The following C3orf20 variants were observed in gnomAD, a reference collection of about 807,000 sequenced individuals.
C3orf20 encodes family with sequence similarity 149 member C.
C3orf20 carries 76 observed loss-of-function variants against 88.3 expected under a neutral mutation model. That is an observed-to-expected ratio of 0.86 (90% confidence interval 0.72 to 1.04). C3orf20 has a LOEUF of 1.04. Among genes scored for constraint, C3orf20 ranks in the 50% least tolerant of loss-of-function variants. C3orf20 has a pLI of 0.00. For missense variants in C3orf20, 1,056 were observed against 1,123.3 expected (o/e 0.94, Z 0.86); for synonymous variants, 436 against 437.4 (o/e 1.00, Z 0.04).
chr3:14,689,137 A>G (rs989504021), intron 4 of C3orf20, among the ~76,000 whole-genome samples: 4 of 152,154 alleles, frequency 2.6e-5, no homozygotes, highest in African/African-American at 9.7e-5. Flanking sequence ...GATTCTCTCT[A>G]CACCAGCAGG....
rs2033851413 is a variant in C3orf20 at position 14,714,072 on chromosome 3, G to A, written c.1226G>A (p.Cys409Tyr). Reference protein sequence around the residue: ...PTCCRGRTITCLFNDIPGFSL... With the variant: ...PTCCRGRTITYLFNDIPGFSL... ...TGCTGCAGAGGGAGAACCATCACCT[G>A]CCTCTTTAATGACATACCTGGATTC... Residue 409 changes from cysteine to tyrosine, a missense_variant, in exon 8 of 17, where the codon TGC becomes TAC. Cys to Tyr is a radical substitution (Grantham distance 194, BLOSUM62 -2). Coordinates refer to ENST00000253697, the MANE Select transcript of C3orf20 (RefSeq NM_032137.5). The A allele has an allele frequency of 6.2e-7, 1 of 1,613,960 alleles. No homozygotes were observed. Among genetic ancestry groups the A allele is most frequent in the East Asian group, 2.2e-5 (1 of 44,886 alleles).
chr3:14,706,899 G>T (rs1404141698), intron 7 of C3orf20, among the ~76,000 whole-genome samples: 1 of 152,058 alleles, frequency 6.6e-6, no homozygotes, highest in African/African-American at 2.4e-5. Flanking sequence ...ATAGAACACT[G>T]GGCTCAGCAG....
At chr3:14,765,904 G>C (rs1203608212) in intron 15 of C3orf20, among the ~76,000 whole-genome samples, 1 of 152,228 alleles carries the variant, frequency 6.6e-6, no homozygotes, top group Non-Finnish European at 1.5e-5. Context: ...GGGTCCCCAC[G>C]GGGGCCTCAT....
Position 14,682,929 on chromosome 3 carries a change from C to A in C3orf20, c.216C>A (p.Ser72Arg). ...TPSDILGLEV[S>R]FGAPLVVLME... ...CCGACATCTTGGGCCTGGAGGTCAG[C>A]TTTGGAGCCCCCCTGGTGGTGCTCA... The change falls in exon 3 of 17, where the codon AGC (serine) becomes AGA (arginine). Residue 72 changes from serine to arginine, a missense_variant. Physicochemically the swap from Ser to Arg is moderately radical, Grantham distance 110 (BLOSUM62 -1). Transcript: ENST00000253697. 2.5e-6 allele frequency: 4 copies of A among 1,614,170 alleles called. No homozygotes were observed. Among genetic ancestry groups the A allele is most frequent in the Non-Finnish European group, 3.4e-6 (4 of 1,180,022 alleles).
rs746729348 is a variant in C3orf20, at chr3:14,721,711, C to T, written c.1493C>T (p.Thr498Ile). 1.9e-6 allele frequency: 3 copies of T among 1,614,172 alleles called. No individual in the cohort carries two copies. The highest frequency in any genetic ancestry group is 2.2e-5 in the East Asian group (1 of 44,878). Residue 498 changes from threonine to isoleucine, a missense_variant, in exon 10 of 17, where the codon ACC becomes ATC. By Grantham distance (89) the Thr-to-Ile change is moderately conservative (BLOSUM62 -1). Coordinates refer to ENST00000253697, the MANE Select transcript of C3orf20 (RefSeq NM_032137.5). The stretch of plus-strand genomic sequence containing the variant: ...CAGGACTCCATCACAGTCACCTTCA[C>T]CTCCCTGAATGAGACAGTAACACTC... ...LGQDSITVTF[T>I]SLNETVTLTV...
At chr3:14,681,344 A>G (rs796352913) in intron 1 of C3orf20, among the ~76,000 whole-genome samples, 1 of 152,370 alleles carries the variant, frequency 6.6e-6, no homozygotes, top group African/African-American at 2.4e-5. Flanking sequence ...AGCATTGTCT[A>G]GTGGAAAAGA....
At chr3:14,735,613 A>G (rs2034680499) in intron 12 of C3orf20, among the ~76,000 whole-genome samples, 1 of 147,228 alleles carries the variant, frequency 6.8e-6, no homozygotes, top group African/African-American at 2.5e-5. Context: ...TTTTTTTTTG[A>G]GGCGAAGTCT....
At chr3:14,733,488 T>G (rs570678041) in intron 12 of C3orf20, among the ~76,000 whole-genome samples, 2 of 152,360 alleles carry the variant, frequency 1.3e-5, no homozygotes, top group Non-Finnish European at 2.9e-5. Flanking sequence ...TGTGTACATA[T>G]GGATTATTTC....
At chr3:14,713,417 A>G (rs2033822383) in intron 7 of C3orf20, among the ~76,000 whole-genome samples, 1 of 152,136 alleles carries the variant, frequency 6.6e-6, no homozygotes, top group African/African-American at 2.4e-5. Context: ...ATTCCTGCAC[A>G]CAGGACAGTA....
chr3:14,698,774 A>T (rs1559404373), intron 5 of C3orf20, among the ~76,000 whole-genome samples: 2 of 152,128 alleles, frequency 1.3e-5, no homozygotes, highest in Non-Finnish European at 2.9e-5. Context: ...CCACTACCTG[A>T]CTACTGCCTA....
intron 10 of C3orf20, among the ~76,000 whole-genome samples, chr3:14,724,661 C>T (rs1369530400): frequency 1.3e-5 from 2 of 152,146 alleles, no homozygotes; most frequent in Non-Finnish European, 2.9e-5. Flanking sequence ...TAATAATTGA[C>T]TATTTTGGTG....
At chr3:14,719,978 G>A (rs1164354034) in intron 9 of C3orf20, among the ~76,000 whole-genome samples, 2 of 152,042 alleles carry the variant, frequency 1.3e-5, no homozygotes, top group Admixed American at 1.3e-4. Flanking sequence ...CTAGAAGGAG[G>A]ACAAGAGAGA....
chr3:14,733,637 G>A (rs1474573329), intron 12 of C3orf20, among the ~76,000 whole-genome samples: 1 of 150,744 alleles, frequency 6.6e-6, no homozygotes, highest in Non-Finnish European at 1.5e-5. Flanking sequence ...ATTTTGATAA[G>A]TTGGATTTTT....
At chr3:14,715,074 T>TC (rs778418485) in intron 8 of C3orf20, among the ~76,000 whole-genome samples, 9 of 152,178 alleles carry the variant, frequency 5.9e-5, no homozygotes, top group Non-Finnish European at 8.8e-5. Context: ...GCCTGAGACT[T>TC]CATCATCTCT....
chr3:14,749,465 G>A (rs1453507938), intron 12 of C3orf20, among the ~76,000 whole-genome samples: 3 of 152,180 alleles, frequency 2.0e-5, no homozygotes, highest in African/African-American at 4.8e-5. Context: ...ACATGCTACT[G>A]CATGCAGCTT....
intron 5 of C3orf20, among the ~76,000 whole-genome samples, chr3:14,691,013 G>A (rs778999631): frequency 5.9e-5 from 9 of 152,234 alleles, no homozygotes; most frequent in Non-Finnish European, 1.2e-4. Context: ...CATCATGGGC[G>A]TGCCTTGTAT....
intron 4 of C3orf20, among the ~76,000 whole-genome samples, chr3:14,689,472 A>C (rs1439696887): frequency 6.6e-6 from 1 of 152,194 alleles, no homozygotes; most frequent in Non-Finnish European, 1.5e-5. Flanking sequence ...GGTTTGTATA[A>C]GAATGAACAA....
chr3:14,753,508 G>A (rs747737617), intron 12 of C3orf20, among the ~76,000 whole-genome samples: 1 of 152,144 alleles, frequency 6.6e-6, no homozygotes, highest in Non-Finnish European at 1.5e-5. Flanking sequence ...ATATAGTTAA[G>A]CTGTTGATTT....
rs148438932 is a variant in C3orf20 at position 14,772,955 on chromosome 3, C to G, written c.*80C>G. Reference sequence around the variant, plus strand: ...TCTTGCCAGCCCAGCCCTGCCTCCCCGGTCTCCCACCCTGTCCTCCAAGCT... The same window carrying G: ...TCTTGCCAGCCCAGCCCTGCCTCCCGGGTCTCCCACCCTGTCCTCCAAGCT... On this transcript the variant is annotated 3_prime_UTR_variant, in exon 17 of 17. Coordinates refer to ENST00000253697, the MANE Select transcript of C3orf20 (RefSeq NM_032137.5). This position sits in a 1 kb window ranked among gnomAD's most constrained non-coding sequence, Gnocchi z 4.2. The G allele has an allele frequency of 6.8e-6, 7 of 1,026,874 alleles. No homozygotes were observed. Among genetic ancestry groups the G allele is most frequent in the Non-Finnish European group, 7.6e-6 (5 of 654,616 alleles). 63.6% of individuals were successfully genotyped at this position (1,026,874 alleles called of 1,614,324 possible).
Sources: allele counts gnomAD v4.1 joint callset (sites outside exome capture counted in the v4.1 genomes callset), GRCh38; gene constraint gnomAD v4.1.1; non-coding constraint Gnocchi (gnomAD v3.1); transcripts MANE v1.5; gene names NCBI Gene and HGNC (gene_info 2026-07-23, HGNC 2026-07-21).